The following MBOAT1 variants were observed in gnomAD, a reference collection of about 807,000 sequenced individuals.
MBOAT1 encodes membrane bound glycerophospholipid O-acyltransferase 1.
MBOAT1 carries 67 observed loss-of-function variants against 64.4 expected under a neutral mutation model. The ratio of observed to expected loss-of-function variants is 1.04; its 90% confidence interval spans 0.85 to 1.27. The LOEUF (loss-of-function observed/expected upper bound fraction) is 1.27, where lower values mean the gene tolerates loss of function less well. MBOAT1 is among the 50% of genes most tolerant of loss of function. The pLI, the probability that MBOAT1 is intolerant of heterozygous loss-of-function variation, is 0.00. For synonymous variants in MBOAT1, 229 were observed against 218.9 expected (o/e 1.05, Z -0.41); for missense variants, 563 against 604.6 (o/e 0.93, Z 0.72).
chr6:20,152,641 G>T lies in MBOAT1; in HGVS notation c.228C>A (p.Val76=). ...AVATIFGIYF[V]IFCFGWYSVH... ...ATACTCACCAGCCGAAACAAAAGAT[G>T]ACAAAATAGATGCCAAAAATGGTGG... Residue 76 remains valine, a synonymous_variant, in exon 2 of 13, where the codon GTC becomes GTA. Transcript: ENST00000324607. The T allele has an allele frequency of 6.2e-7, 1 of 1,610,226 alleles. No individual in the cohort carries two copies. Among genetic ancestry groups the T allele is most frequent in the South Asian group, 1.1e-5 (1 of 90,568 alleles).
Position 20,208,169 on chromosome 6 carries a change from C to T in MBOAT1, c.99+3967G>A, listed in dbSNP as rs534778001. ...TAGGTAAAGAAACTTTGTAGTCGGC[C>T]GGGCGTGGTGGCTCATGCCTGTAAT... On this transcript the variant is annotated intron_variant, in intron 1 of 12. Coordinates refer to ENST00000324607, the MANE Select transcript of MBOAT1 (RefSeq NM_001080480.3). Among the ~76,000 whole-genome samples, 7 of 152,046 alleles carry T rather than the reference C, an allele frequency of 4.6e-5. No homozygotes were observed. The South Asian group carries it at 8.3e-4, about 18-fold the overall frequency.
chr6:20,142,128 C>T (rs1761196983), intron 4 of MBOAT1, among the ~76,000 whole-genome samples: 1 of 152,126 alleles, frequency 6.6e-6, no homozygotes, highest in African/African-American at 2.4e-5. Flanking sequence ...TCATTTCAGC[C>T]AGTCAGCGAT....
chr6:20,113,877 G>T (rs9465637), intron 10 of MBOAT1, among the ~76,000 whole-genome samples: 58,862 of 151,316 alleles, frequency 0.39, 11,770 homozygotes, highest in East Asian at 0.52. Flanking sequence ...TTCAAACAGT[G>T]AACACCAACC....
chr6:20,174,239 T>C (rs1232812389), intron 1 of MBOAT1, among the ~76,000 whole-genome samples: 5 of 152,192 alleles, frequency 3.3e-5, no homozygotes, highest in Admixed American at 6.5e-5. Context: ...CAATCCTGCG[T>C]CGCTTAACAA....
intron 1 of MBOAT1, among the ~76,000 whole-genome samples, chr6:20,191,515 C>T (rs1338722541): frequency 6.6e-6 from 1 of 152,190 alleles, no homozygotes; most frequent in Non-Finnish European, 1.5e-5. Flanking sequence ...CCTCAGTTTG[C>T]CAGTGTCCCT....
chr6:20,126,164 C>T (rs997490466), intron 7 of MBOAT1, among the ~76,000 whole-genome samples: 3 of 152,178 alleles, frequency 2.0e-5, no homozygotes, highest in Admixed American at 2.0e-4. Context: ...TCCCCCTCAC[C>T]TTCTATGCCA....
intron 1 of MBOAT1, among the ~76,000 whole-genome samples, chr6:20,181,148 G>C (rs1464598973): frequency 6.6e-6 from 1 of 152,188 alleles, no homozygotes; most frequent in Non-Finnish European, 1.5e-5. Context: ...TGGCTGCAGT[G>C]GGGAGAGATG....
intron 1 of MBOAT1, among the ~76,000 whole-genome samples, chr6:20,210,303 CT>C (rs1357906996): frequency 2.0e-5 from 3 of 152,272 alleles, no homozygotes; most frequent in Non-Finnish European, 4.4e-5. Context: ...ACATCTAAGC[CT>C]TTAAAAAGCC....
intron 1 of MBOAT1, among the ~76,000 whole-genome samples, chr6:20,183,449 G>A (rs1009852253): frequency 2.0e-5 from 3 of 152,120 alleles, no homozygotes; most frequent in Admixed American, 6.5e-5. Context: ...AACTCCCTTT[G>A]CTTCTGATTA....
intron 1 of MBOAT1, among the ~76,000 whole-genome samples, chr6:20,186,106 CT>C (rs1310491525): frequency 1.4e-4 from 21 of 152,250 alleles, no homozygotes; most frequent in African/African-American, 4.8e-4. Flanking sequence ...TCGCTTGAGC[CT>C]AGGAGCTTGA....
chr6:20,115,223 C>A, intron 10 of MBOAT1, 65 bp downstream of exon 10: 1 of 1,213,210 alleles, frequency 8.2e-7, no homozygotes, highest in Non-Finnish European at 1.2e-6. Flanking sequence ...CACTGTTCAT[C>A]TACTGACTCC....
intron 1 of MBOAT1, among the ~76,000 whole-genome samples, chr6:20,168,528 A>AAGAGG (rs748574504): frequency 5.3e-4 from 37 of 69,710 alleles, no homozygotes; most frequent in African/African-American, 1.5e-3. Context: ...GAGAGGAGAG[A>AAGAGG]AGAGGAGAGG....
rs772556337 is a variant in MBOAT1 at position 20,109,567 on chromosome 6, G to C, written c.1361+31C>G. On this transcript the variant is annotated intron_variant, in intron 12 of 12. Coordinates refer to ENST00000324607, the MANE Select transcript of MBOAT1 (RefSeq NM_001080480.3). ...ACACAGTGAAAATAGAGTCATTTAC[G>C]AGATGGCAACTGAGAACAACGGAAA... The C allele has an allele frequency of 6.3e-6, 10 of 1,597,626 alleles. No individual in the cohort carries two copies. The East Asian group carries it at 1.6e-4, about 25-fold the overall frequency.
intron 5 of MBOAT1, among the ~76,000 whole-genome samples, chr6:20,130,236 T>C (rs551671164): frequency 4.1e-4 from 62 of 152,340 alleles, no homozygotes; most frequent in African/African-American, 1.5e-3. Flanking sequence ...CCTCCTTTTC[T>C]TGGAACCCAG....
intron 1 of MBOAT1, among the ~76,000 whole-genome samples, chr6:20,162,285 A>G (rs188779568): frequency 9.3e-4 from 141 of 152,206 alleles, no homozygotes; most frequent in Middle Eastern, 3.4e-3. Flanking sequence ...AACACACTTC[A>G]TTTTCTTTGC....
At position 20,181,708 on chromosome 6, in the gene MBOAT1, G is replaced by T. The variant is rs189136188; in HGVS notation, c.100-28939C>A. Among the ~76,000 whole-genome samples, 126 of 152,340 alleles carry T rather than the reference G, an allele frequency of 8.3e-4. 1 individual carries two copies. Among genetic ancestry groups the T allele is most frequent in the African/African-American group, 2.5e-3 (105 of 41,578 alleles). ...ACGCGTGTGAAACACACACCCTGTGGGTGTCCAAAGGGGAGGGTGCACGCC... is the reference window on the plus strand; with the variant it reads ...ACGCGTGTGAAACACACACCCTGTGTGTGTCCAAAGGGGAGGGTGCACGCC... On this transcript the variant is annotated intron_variant, in intron 1 of 12. Coordinates refer to ENST00000324607, the MANE Select transcript of MBOAT1 (RefSeq NM_001080480.3).
chr6:20,165,964 G>T (rs1482152757), intron 1 of MBOAT1, among the ~76,000 whole-genome samples: 1 of 151,734 alleles, frequency 6.6e-6, no homozygotes, highest in Non-Finnish European at 1.5e-5. Context: ...ATTAATGAAT[G>T]CTCATTTAAA....
chr6:20,110,188 C>T (rs2328399), intron 11 of MBOAT1, among the ~76,000 whole-genome samples: 71,675 of 148,772 alleles, frequency 0.48, 17,476 homozygotes, highest in East Asian at 0.72. Context: ...GGATTACAGG[C>T]GTGAGCCACC....
At chr6:20,129,371 T>G (rs1445335800) in intron 5 of MBOAT1, among the ~76,000 whole-genome samples, 1 of 152,270 alleles carries the variant, frequency 6.6e-6, no homozygotes, top group Non-Finnish European at 1.5e-5. Flanking sequence ...ACATCCATGC[T>G]TTCTGTGAAA....
Sources: allele counts gnomAD v4.1 joint callset (sites outside exome capture counted in the v4.1 genomes callset), GRCh38; gene constraint gnomAD v4.1.1; transcripts MANE v1.5; gene names NCBI Gene and HGNC (gene_info 2026-07-23, HGNC 2026-07-21).